The following BRD2 variants were observed in gnomAD, a reference collection of about 807,000 sequenced individuals.
BRD2 encodes bromodomain containing 2.
In BRD2, 15 loss-of-function variants were observed where a neutral mutation model predicts 79.1. The ratio of observed to expected loss-of-function variants is 0.19; its 90% CI spans 0.13 to 0.29. The LOEUF (loss-of-function observed/expected upper bound fraction) is 0.29, where lower values mean the gene tolerates loss of function less well. Among genes scored for constraint, BRD2 ranks in the 10% least tolerant of loss-of-function variants. The pLI is 1.00. For missense variants in BRD2, 1,053 were observed against 991.3 expected (o/e 1.06, Z -0.84); for synonymous variants, 488 against 358.6 (o/e 1.36, Z -4.08).
chr6:32,969,327 C>T (rs1561913465), intron 1 of BRD2: 9 of 716,732 alleles, frequency 1.3e-5, no homozygotes, highest in Non-Finnish European at 1.8e-5. Flanking sequence ...CATTCGTCCC[C>T]TGGGGGTACA....
At chr6:32,969,879 C>G (rs73409613) in intron 1 of BRD2, among the ~76,000 whole-genome samples, 1 of 152,172 alleles carries the variant, frequency 6.6e-6, no homozygotes, top group Non-Finnish European at 1.5e-5. Flanking sequence ...CATCGCCTCC[C>G]TCATCCCCTC....
At chr6:32,978,090 A>T (rs754623815) in intron 9 of BRD2, 36 bp from the exon 10 acceptor site, 1 of 1,383,052 alleles carries the variant, frequency 7.2e-7, no homozygotes, top group Non-Finnish European at 1.0e-6. Flanking sequence ...TTTTATCTTT[A>T]TTTACTTTTT....
In BRD2 at chr6:32,976,266, T is replaced by C; in HGVS notation, c.627T>C (p.Val209=). Reference sequence around the variant, plus strand: ...TTTTTCTAGCGCTCCAGGGCAGTGTTACCAGTGCCCATCAGGTGCCTGCCG... The same window carrying C: ...TTTTTCTAGCGCTCCAGGGCAGTGTCACCAGTGCCCATCAGGTGCCTGCCG... ...GAKLAALQGS[V]TSAHQVPAVS... The change falls in exon 6 of 13, where the codon GTT becomes GTC. Residue 209 remains valine (V), a synonymous_variant. Transcript: ENST00000374825. The C allele has an allele frequency of 6.2e-7, 1 of 1,613,044 alleles. No homozygotes were observed.
At chr6:32,974,022 T>C (rs1582894382) in intron 2 of BRD2, among the ~76,000 whole-genome samples, 1 of 152,294 alleles carries the variant, frequency 6.6e-6, no homozygotes, top group East Asian at 1.9e-4. Context: ...TTTATAGCCA[T>C]AATTTGTTCT....
intron 9 of BRD2, 28 bp downstream of exon 9, chr6:32,978,033 T>C (rs2127520933): frequency 6.2e-7 from 1 of 1,606,834 alleles, no homozygotes; most frequent in Non-Finnish European, 8.5e-7. Context: ...AAAGTTTTTA[T>C]TGGGTAAGAG....
chr6:32,974,486 G>A lies in BRD2; in HGVS notation c.54G>A (p.Gly18=), dbSNP rs759910342. ...HNKLPGEGNA[G]LLGLGPEAAA... ...GGCTCCCTGGGGAAGGGAATGCAGG[G>A]TTGCTGGGGCTGGGCCCAGAAGCAG... The change falls in exon 3 of 13, where the codon GGG becomes GGA. Residue 18 remains glycine, a synonymous_variant. Transcript: ENST00000374825. 6.2e-7 allele frequency: 1 copy of A among 1,612,470 alleles called. No individual in the cohort carries two copies. The highest frequency in any genetic ancestry group is 1.7e-5 in the Admixed American group (1 of 59,988).
In BRD2 at chr6:32,971,700, G is replaced by A; in HGVS notation, c.-1199G>A. 3.9e-6 allele frequency: 2 copies of A among 519,468 alleles called. No individual in the cohort carries two copies. The highest frequency in any genetic ancestry group is 6.8e-6 in the Non-Finnish European group (2 of 295,050). 32.2% of individuals were successfully genotyped at this position (519,468 alleles called of 1,614,324 possible). On this transcript the variant is annotated 5_prime_UTR_variant, in exon 2 of 13. Transcript: ENST00000374825. ...AGGCTACGCCCACGCGACCCCTCCCGTTTCCCTGCTTTGGCCAATGGAGGA... is the reference window on the plus strand; with the variant it reads ...AGGCTACGCCCACGCGACCCCTCCCATTTCCCTGCTTTGGCCAATGGAGGA...
chr6:32,979,484 A>G (rs1779245756), intron 10 of BRD2: 2 of 308,074 alleles, frequency 6.5e-6, no homozygotes, highest in East Asian at 1.2e-4. Flanking sequence ...TTTTTTTTAG[A>G]TACTACTTTT....
chr6:32,973,995 A>G (rs1582894303), intron 2 of BRD2, among the ~76,000 whole-genome samples: 1 of 152,134 alleles, frequency 6.6e-6, no homozygotes, highest in Admixed American at 6.5e-5. Context: ...GTGTCTTATC[A>G]GCATTTTATG....
rs763766947 is a variant in BRD2 at position 32,976,177 on chromosome 6, G to C, written c.610+8G>C. ...AGGGGGCCAAGTTGGCAGGTAGGAAGAGTGGGAGTTTTGCAAATGGACAAC... is the reference window on the plus strand; with the variant it reads ...AGGGGGCCAAGTTGGCAGGTAGGAACAGTGGGAGTTTTGCAAATGGACAAC... On this transcript the variant is annotated splice_region_variant and intron_variant, in intron 5 of 12. Coordinates refer to ENST00000374825, the MANE Select transcript of BRD2 (RefSeq NM_005104.4). 1 of 1,606,088 alleles carries C rather than the reference G, an allele frequency of 6.2e-7. No homozygotes were observed. The highest frequency in any genetic ancestry group is 8.5e-7 in the Non-Finnish European group (1 of 1,177,890).
chr6:32,975,285 G>GGTGT (rs61324180), intron 3 of BRD2, 99 bp from the exon 4 acceptor site: 140 of 692,606 alleles, frequency 2.0e-4, no homozygotes, highest in African/African-American at 6.8e-4. Flanking sequence ...GCATAGGGGG[G>GGTGT]GTGTGTGTGT....
chr6:32,980,634 T>C lies in BRD2; in HGVS notation c.2322T>C (p.Leu774=). ...SSAQQVAVSR[L]SASSSSSDSS... is the part of the protein sequence containing the mutation. ...CACAGCAAGTAGCAGTGTCACGCCTTAGCGCTTCCAGCTCCAGCTCAGATT... is the reference window on the plus strand; with the variant it reads ...CACAGCAAGTAGCAGTGTCACGCCTCAGCGCTTCCAGCTCCAGCTCAGATT... The change falls in exon 13 of 13, where the codon CTT becomes CTC. Residue 774 remains leucine (L), a synonymous_variant. Coordinates refer to ENST00000374825, the MANE Select transcript of BRD2 (RefSeq NM_005104.4). The C allele has an allele frequency of 6.2e-7, 1 of 1,613,152 alleles. No homozygotes were observed. The highest frequency in any genetic ancestry group is 1.1e-5 in the South Asian group (1 of 91,092).
At chr6:32,974,073 A>C (rs1778391140) in intron 2 of BRD2, among the ~76,000 whole-genome samples, 1 of 152,070 alleles carries the variant, frequency 6.6e-6, no homozygotes, top group Non-Finnish European at 1.5e-5. Context: ...GCAACCACCA[A>C]ACCCCTAGTG....
At chr6:32,978,773 G>T (rs1779113187) in intron 10 of BRD2, 1 of 244,672 alleles carries the variant, frequency 4.1e-6, no homozygotes. Context: ...GCGTAGCCCA[G>T]TAACAGGCCA....
At chr6:32,977,648 T>TACA in intron 8 of BRD2, 78 bp downstream of exon 8, 1 of 1,602,870 alleles carries the variant, frequency 6.2e-7, no homozygotes, top group Non-Finnish European at 8.5e-7. Flanking sequence ...AGCCTCAACG[T>TACA]GAGGGTCTCA....
chr6:32,980,660 C>G lies in BRD2; in HGVS notation c.2348C>G (p.Ser783Cys). ...AGCGCTTCCAGCTCCAGCTCAGATTCCAGCTCCTCCTCTTCCTCGTCGTCG... is the reference window on the plus strand; with the variant it reads ...AGCGCTTCCAGCTCCAGCTCAGATTGCAGCTCCTCCTCTTCCTCGTCGTCG... The part of the protein sequence containing the change: ...RLSASSSSSD[S>C]SSSSSSSSSS... Residue 783 changes from serine (S) to cysteine (C), a missense_variant, in exon 13 of 13, where the codon TCC becomes TGC. Coordinates refer to ENST00000374825, the MANE Select transcript of BRD2 (RefSeq NM_005104.4). The G allele has an allele frequency of 6.2e-7, 1 of 1,613,168 alleles. No homozygotes were observed. Among genetic ancestry groups the G allele is most frequent in the Non-Finnish European group, 8.5e-7 (1 of 1,180,038 alleles).
chr6:32,971,318 G>T, intron 1 of BRD2: 1 of 340,410 alleles, frequency 2.9e-6, no homozygotes, highest in Non-Finnish European at 5.3e-6. Context: ...GGTGTGAGTG[G>T]GGAGGGATTA....
At position 32,971,952 on chromosome 6, in the gene BRD2, C is replaced by T. The variant is rs1382184044; in HGVS notation, c.-947C>T. 6 of 702,780 alleles carry T rather than the reference C, an allele frequency of 8.5e-6. No homozygotes were observed. Among genetic ancestry groups the T allele is most frequent in the Admixed American group, 4.0e-5 (2 of 49,986 alleles). The allele number at this position is 702,780 out of a possible 1,614,324, so 43.5% of individuals were successfully genotyped here. On this transcript the variant is annotated 5_prime_UTR_variant, in exon 2 of 13. Coordinates refer to ENST00000374825, the MANE Select transcript of BRD2 (RefSeq NM_005104.4). ...GTTGCCACTTCCCTGTGGGTCTCTG[C>T]GGCACTCTTCTGCCTGGTGACTGAC...
chr6:32,973,218 T>A, intron 2 of BRD2: 1 of 1,459,554 alleles, frequency 6.9e-7, no homozygotes, highest in Non-Finnish European at 9.3e-7. Context: ...GGAGTGAGGT[T>A]GAACAGCAGG....
Sources: gnomAD v4.1 joint callset for allele counts (sites outside exome capture counted in the v4.1 genomes callset) on GRCh38, gnomAD v4.1.1 for gene constraint, MANE v1.5 for transcripts, NCBI Gene and HGNC (gene_info 2026-07-23, HGNC 2026-07-21) for gene names.